ENPP1: variants seen among roughly 807,000 people sequenced by gnomAD.
The protein encoded by ENPP1 is ectonucleotide pyrophosphatase/phosphodiesterase family member 1.
ENPP1 carries 73 observed loss-of-function variants against 122.8 expected under a neutral mutation model. That is an observed-to-expected ratio of 0.59 (90% CI 0.49 to 0.72). The LOEUF (loss-of-function observed/expected upper bound fraction) is 0.72. Among genes scored for constraint, ENPP1 ranks in the 30% least tolerant of loss-of-function variants. ENPP1 has a pLI of 0.00. For synonymous variants in ENPP1, 367 were observed against 391.6 expected, an observed-to-expected ratio of 0.94 and a Z score of 0.74; for missense variants, 978 against 1,128.1, an observed-to-expected ratio of 0.87 and a Z score of 1.91.
chr6:131,869,350 T>C lies in ENPP1; in HGVS notation c.1274-8T>C, dbSNP rs1375348326. 9 of 1,612,790 alleles carry C rather than the reference T, an allele frequency of 5.6e-6. No individual in the cohort carries two copies. The highest frequency in any genetic ancestry group is 5.9e-6 in the Non-Finnish European group (7 of 1,179,242). ...ACAGCATGTTTTGGGATTTTTTTTT[T>C]CTCCTAGGCATGGAACAAGGCAGTT... On this transcript the variant is annotated splice_region_variant and splice_polypyrimidine_tract_variant and intron_variant, in intron 12 of 24. Transcript: ENST00000647893.
chr6:131,885,196 C>T, intron 23 of ENPP1, 133 bp downstream of exon 23: 1 of 769,500 alleles, frequency 1.3e-6, no homozygotes, highest in South Asian at 1.6e-5. Context: ...TCTGACTACA[C>T]AGGAAGCCTC....
intron 1 of ENPP1, chr6:131,828,304 C>G: frequency 1.9e-6 from 1 of 520,470 alleles, no homozygotes; most frequent in Middle Eastern, 3.4e-4. Context: ...CCAGCATGTC[C>G]ACATGATCAG....
intron 18 of ENPP1, 29 bp from the exon 19 acceptor site, chr6:131,878,513 C>T (rs1562183597): frequency 1.3e-6 from 2 of 1,489,550 alleles, no homozygotes; most frequent in Admixed American, 3.4e-5. Flanking sequence ...TCTCTCAGTC[C>T]TTAAAAATAG....
chr6:131,870,921 C>G (rs1782153786), intron 13 of ENPP1, among the ~76,000 whole-genome samples: 1 of 152,066 alleles, frequency 6.6e-6, no homozygotes, highest in African/African-American at 2.4e-5. Context: ...ATGAAAAATA[C>G]AAAAATTATC....
At position 131,875,839 on chromosome 6, in the gene ENPP1, A is replaced by G. The variant is rs750660271; in HGVS notation, c.1699A>G (p.Ile567Val). 16 of 1,613,764 alleles carry G rather than the reference A, an allele frequency of 9.9e-6. No homozygotes were observed. In the African/African-American group the frequency reaches 1.9e-4, roughly 19 times the overall value. ...CATTGAGGCTGACACCTTTGAAAAC[A>G]TTGAAGTCTATAACTTAATGTGTGG... ...HGIEADTFEN[I>V]EVYNLMCDLL... Residue 567 changes from isoleucine (I) to valine (V), a missense_variant, in exon 17 of 25, where the codon ATT (isoleucine) becomes GTT (valine). Ile to Val is a conservative substitution (Grantham distance 29). Transcript: ENST00000647893.
intron 1 of ENPP1, among the ~76,000 whole-genome samples, chr6:131,829,407 A>C (rs940121777): frequency 3.3e-5 from 5 of 152,360 alleles, no homozygotes; most frequent in Non-Finnish European, 2.9e-5. Context: ...TAATTAAAAT[A>C]TGTTTTTGCA....
chr6:131,875,168 T>C (rs936532879), intron 16 of ENPP1, among the ~76,000 whole-genome samples: 1 of 152,166 alleles, frequency 6.6e-6, no homozygotes, highest in Non-Finnish European at 1.5e-5. Context: ...CACTGTGCAA[T>C]ATATCCATGT....
intron 18 of ENPP1, chr6:131,877,855 AAAAAAAAAAAAATAT>A (rs1465956935): frequency 1.8e-5 from 2 of 108,886 alleles, no homozygotes; most frequent in African/African-American, 3.6e-5. Context: ...AAAAAAAAAA[AAAAAAAAAAAAATAT>A]ATATATATAT....
At position 131,893,668 on chromosome 6, in the gene ENPP1, C is replaced by T. The variant is rs1782501592; in HGVS notation, c.*3157C>T. On this transcript the variant is annotated 3_prime_UTR_variant, in exon 25 of 25. Coordinates refer to ENST00000647893, the MANE Select transcript of ENPP1 (RefSeq NM_006208.3). ...TCTATGCTGACTGTTAAGGAAAGAGCACCCACATCTGCTCCTACTTAGCTT... is the reference window on the plus strand; with the variant it reads ...TCTATGCTGACTGTTAAGGAAAGAGTACCCACATCTGCTCCTACTTAGCTT... 1.3e-5 allele frequency: 2 copies of T among 152,206 alleles called. No homozygotes were observed. The highest frequency in any genetic ancestry group is 6.5e-5 in the Admixed American group (1 of 15,272). 9.4% of individuals were successfully genotyped at this position (152,206 alleles called of 1,614,324 possible). A position where few individuals can be genotyped will look rare whatever the true frequency, so the allele number is the denominator to read the frequency against.
At chr6:131,848,931 G>A (rs1781846570) in intron 2 of ENPP1, among the ~76,000 whole-genome samples, 1 of 152,170 alleles carries the variant, frequency 6.6e-6, no homozygotes, top group South Asian at 2.1e-4. Context: ...TCAAATGAGA[G>A]GTAAATTCCA....
chr6:131,868,138 T>A lies in ENPP1; in HGVS notation c.1273+12T>A, dbSNP rs1782113592. Reference sequence around the variant, plus strand: ...TATTTCAGATCATGGTAATCTGAATTTGCATTATTTACTCTTCAGGATAAA... The same window carrying A: ...TATTTCAGATCATGGTAATCTGAATATGCATTATTTACTCTTCAGGATAAA... On this transcript the variant is annotated intron_variant, in intron 12 of 24. Coordinates refer to ENST00000647893, the MANE Select transcript of ENPP1 (RefSeq NM_006208.3). 6.4e-7 allele frequency: 1 copy of A among 1,574,256 alleles called. No individual in the cohort carries two copies. The highest frequency in any genetic ancestry group is 8.7e-7 in the Non-Finnish European group (1 of 1,143,870).
At position 131,890,360 on chromosome 6, in the gene ENPP1, C is replaced by T. The variant is rs764466020; in HGVS notation, c.2627C>T (p.Ser876Leu). 2.5e-6 allele frequency: 4 copies of T among 1,613,802 alleles called. No individual in the cohort carries two copies. The highest frequency in any genetic ancestry group is 1.3e-5 in the African/African-American group (1 of 74,918). ...ESCVHGKHDS[S>L]WVEELLMLHR... ...TCCTAGCATGGGAAGCATGACTCCT[C>T]ATGGGTTGAAGAATTGTTAATGTTA... is the stretch of plus-strand genomic sequence containing the variant. Residue 876 changes from serine (S) to leucine (L), a missense_variant, in exon 25 of 25, where the codon TCA (serine) becomes TTA (leucine). Around this residue, in one of 3 missense-constraint regions of ENPP1, gnomAD observed 644 missense variants for 781.5 expected, o/e 0.82. Transcript: ENST00000647893.
rs138963773 is a variant in ENPP1, at chr6:131,841,937, C to T, written c.241-5839C>T. Among the ~76,000 whole-genome samples, 4 of 152,276 alleles carry T rather than the reference C, an allele frequency of 2.6e-5. No homozygotes were observed. The East Asian group carries it at 7.7e-4, about 29-fold the overall frequency. On this transcript the variant is annotated intron_variant, in intron 1 of 24. Coordinates refer to ENST00000647893, the MANE Select transcript of ENPP1 (RefSeq NM_006208.3). Reference sequence around the variant, plus strand: ...CTGGGATTATTAAATCCAGTCCTGTCACTTTCATATTTCAGCGCCTGAACA... The same window carrying T: ...CTGGGATTATTAAATCCAGTCCTGTTACTTTCATATTTCAGCGCCTGAACA...
At chr6:131,863,847 T>C (rs1291780300) in intron 9 of ENPP1, among the ~76,000 whole-genome samples, 2 of 148,962 alleles carry the variant, frequency 1.3e-5, no homozygotes. Flanking sequence ...ACCCGGGAGG[T>C]GGAGATTGCA....
chr6:131,880,150 G>C (rs1479926880), intron 20 of ENPP1, 116 bp downstream of exon 20: 2 of 1,061,782 alleles, frequency 1.9e-6, no homozygotes, highest in Non-Finnish European at 2.9e-6. Flanking sequence ...CCGCATTAGA[G>C]GAACACTGAA....
chr6:131,871,970 A>G, intron 13 of ENPP1, 100 bp from the exon 14 acceptor site: 1 of 914,554 alleles, frequency 1.1e-6, no homozygotes, highest in South Asian at 1.4e-5. Flanking sequence ...CTGCCTTGGT[A>G]TTTAAATGCA....
At position 131,854,922 on chromosome 6, in the gene ENPP1, C is replaced by T. The variant is rs771384565; in HGVS notation, c.618-4C>T. 1.1e-5 allele frequency: 17 copies of T among 1,606,084 alleles called. No homozygotes were observed. In the East Asian group the frequency reaches 3.8e-4, roughly 36 times the overall value. On this transcript the variant is annotated splice_polypyrimidine_tract_variant and splice_region_variant and intron_variant, in intron 5 of 24. Transcript: ENST00000647893. The stretch of plus-strand genomic sequence containing the variant: ...AACATTTTTTTTTCTTTTTCATTAC[C>T]CAGGTTTGAAACGCCTCCTACCCTC...
At chr6:131,847,562 C>T (rs1781824810) in intron 1 of ENPP1, among the ~76,000 whole-genome samples, 1 of 152,186 alleles carries the variant, frequency 6.6e-6, no homozygotes, top group East Asian at 1.9e-4. Context: ...TATATAAGGC[C>T]AGGCCTAGTG....
chr6:131,818,825 A>T (rs1286376252), intron 1 of ENPP1, among the ~76,000 whole-genome samples: 1 of 152,180 alleles, frequency 6.6e-6, no homozygotes, highest in Admixed American at 6.5e-5. Flanking sequence ...TGCAAGCTGA[A>T]CTAATTTTTT....
Sources: allele counts gnomAD v4.1 joint callset (sites outside exome capture counted in the v4.1 genomes callset), GRCh38; gene constraint gnomAD v4.1.1; regional missense constraint gnomAD v4.1.1; transcripts MANE v1.5; gene names NCBI Gene and HGNC (gene_info 2026-07-23, HGNC 2026-07-21).